Variants in AGAP1 observed in about 807,000 individuals in gnomAD.
The protein encoded by AGAP1 is arf-GAP with GTPase, ANK repeat and PH domain-containing protein 1.
A neutral mutation model predicts 105.3 loss-of-function variants in AGAP1; 29 were observed. The ratio of observed to expected loss-of-function variants is 0.28; its 90% CI spans 0.21 to 0.38. The LOEUF (loss-of-function observed/expected upper bound fraction) is 0.38, where lower values mean the gene tolerates loss of function less well. AGAP1 is among the 10% of genes least tolerant of loss of function. The probability of loss-of-function intolerance (pLI) is 1.00; values close to 1 mark genes in which losing one functional copy is unlikely to be tolerated. For missense variants in AGAP1, 998 were observed against 1,165.1 expected (o/e 0.86, Z 2.09); for synonymous variants, 509 against 485.9 (o/e 1.05, Z -0.63).
In AGAP1 at chr2:235,608,568, G is replaced by C. The variant is rs1447058251; in HGVS notation, c.164-100611G>C. 6.6e-6 allele frequency among the ~76,000 whole-genome samples: 1 copy of C among 152,214 alleles called. No individual in the cohort carries two copies. The highest frequency in any genetic ancestry group is 6.5e-5 in the Admixed American group (1 of 15,286). ...TGAGACCAACCCTGCCCTCTGGACG[G>C]ATGGAAGGACACTGGGGAGCCGATG... On this transcript the variant is annotated intron_variant, in intron 1 of 17. Coordinates refer to ENST00000304032, the MANE Select transcript of AGAP1 (RefSeq NM_001037131.3). This position sits in a 1 kb window ranked among gnomAD's most constrained non-coding sequence, Gnocchi z 5.4.
At chr2:235,592,454 C>T (rs917406716) in intron 1 of AGAP1, among the ~76,000 whole-genome samples, 34 of 152,178 alleles carry the variant, frequency 2.2e-4, no homozygotes, top group African/African-American at 7.2e-4. Flanking sequence ...GAGAGGACCC[C>T]GCTTTTCCAG....
intron 1 of AGAP1, among the ~76,000 whole-genome samples, chr2:235,594,884 T>TG (rs1553575344): frequency 3.8e-5 from 1 of 26,294 alleles, no homozygotes; most frequent in Non-Finnish European, 8.7e-5. Context: ...CAGATTGCTG[T>TG]TTTTTTTTTT....
At chr2:236,064,772 C>G (rs7557002) in intron 16 of AGAP1, among the ~76,000 whole-genome samples, 39,498 of 151,982 alleles carry the variant, frequency 0.26, 5,562 homozygotes, top group South Asian at 0.36. Flanking sequence ...CACCCTTCCT[C>G]GGAGAATTCT....
intron 9 of AGAP1, among the ~76,000 whole-genome samples, chr2:235,857,740 G>T (rs1439686221): frequency 6.6e-6 from 1 of 152,228 alleles, no homozygotes; most frequent in Non-Finnish European, 1.5e-5. Flanking sequence ...GGAAAGACTG[G>T]AAGCAGCTAA....
At position 235,759,421 on chromosome 2, in the gene AGAP1, G is replaced by A. The variant is rs568833944; in HGVS notation, c.673+8933G>A. Among the ~76,000 whole-genome samples the A allele has an allele frequency of 2.7e-4, 40 of 148,792 alleles. No homozygotes were observed. The South Asian group carries it at 3.4e-3, about 13-fold the overall frequency. On this transcript the variant is annotated intron_variant, in intron 6 of 17. Coordinates refer to ENST00000304032, the MANE Select transcript of AGAP1 (RefSeq NM_001037131.3). ...CCTGACCTCGTGATCCGCCCGCCTT[G>A]GCCTCCCAAAGTGCTGGGATTACAG... is the stretch of plus-strand genomic sequence containing the variant.
At chr2:235,504,375 C>A (rs904091497) in intron 1 of AGAP1, among the ~76,000 whole-genome samples, 1 of 152,144 alleles carries the variant, frequency 6.6e-6, no homozygotes, top group Non-Finnish European at 1.5e-5. Flanking sequence ...GAGTGGCTGC[C>A]TGTTTCGGGG....
Position 235,611,538 on chromosome 2 carries a change from G to T in AGAP1, c.164-97641G>T, listed in dbSNP as rs969915510. On this transcript the variant is annotated intron_variant, in intron 1 of 17. Coordinates refer to ENST00000304032, the MANE Select transcript of AGAP1 (RefSeq NM_001037131.3). The surrounding 1 kb of genome is among the most constrained non-coding windows in gnomAD (Gnocchi z 5.0). The stretch of plus-strand genomic sequence containing the variant: ...TGAGGTGGTGATTTATGATGCCTGT[G>T]TACTTCCCTGTGGTGCCCAGGCCTG... Among the ~76,000 whole-genome samples the T allele has an allele frequency of 2.6e-5, 4 of 152,164 alleles. No individual in the cohort carries two copies. Among genetic ancestry groups the T allele is most frequent in the Admixed American group, 2.0e-4 (3 of 15,274 alleles).
chr2:236,098,047 C>T (rs137897513), intron 16 of AGAP1, among the ~76,000 whole-genome samples: 193 of 152,296 alleles, frequency 1.3e-3, no homozygotes, highest in African/African-American at 4.4e-3. Flanking sequence ...ACTATTCCAT[C>T]GTGTGGATAG....
intron 16 of AGAP1, among the ~76,000 whole-genome samples, chr2:236,102,901 A>G (rs2059393877): frequency 6.6e-6 from 1 of 152,030 alleles, no homozygotes; most frequent in African/African-American, 2.4e-5. Context: ...TTTTTTTTCA[A>G]AAGTCATTGT....
chr2:235,924,811 A>G (rs1279076112), intron 11 of AGAP1, among the ~76,000 whole-genome samples: 1 of 152,184 alleles, frequency 6.6e-6, no homozygotes, highest in East Asian at 1.9e-4. Flanking sequence ...GGAGAGCGAC[A>G]TTTACTGTCC....
At position 236,049,251 on chromosome 2, in the gene AGAP1, G is replaced by A; in HGVS notation, c.2084G>A (p.Gly695Glu). The A allele has an allele frequency of 1.2e-6, 2 of 1,614,188 alleles. No homozygotes were observed. The highest frequency in any genetic ancestry group is 1.7e-6 in the Non-Finnish European group (2 of 1,180,024). The change falls in exon 16 of 18, where the codon GGG becomes GAG. Residue 695 changes from glycine to glutamate, a missense_variant. Transcript: ENST00000304032. ...AGCGTCTGGGAAGAGAGCAGCCAGGGGCGGACGAAACCATCGGTAGACTCC... is the reference window on the plus strand; with the variant it reads ...AGCGTCTGGGAAGAGAGCAGCCAGGAGCGGACGAAACCATCGGTAGACTCC... ...ANSVWEESSQ[G>E]RTKPSVDSTR...
intron 16 of AGAP1, among the ~76,000 whole-genome samples, chr2:236,097,513 C>T (rs2059222378): frequency 6.6e-6 from 1 of 150,448 alleles, no homozygotes; most frequent in African/African-American, 2.5e-5. Flanking sequence ...CTACCTCAGC[C>T]TACTGAGTAG....
rs114394375 is a variant in AGAP1, at chr2:235,934,855, T to C, written c.1483+3932T>C. Among the ~76,000 whole-genome samples the C allele has an allele frequency of 1.3e-5, 2 of 151,984 alleles. No homozygotes were observed. The highest frequency in any genetic ancestry group is 3.9e-4 in the East Asian group (2 of 5,114). The stretch of plus-strand genomic sequence containing the variant: ...TGTTGTGCACTCTTACTCTAAAACA[T>C]AATAATCACGGCAACATTGGGATTC... On this transcript the variant is annotated intron_variant, in intron 12 of 17. Coordinates refer to ENST00000304032, the MANE Select transcript of AGAP1 (RefSeq NM_001037131.3). The surrounding 1 kb of genome is among the most constrained non-coding windows in gnomAD (Gnocchi z 4.9).
At chr2:235,876,651 A>G (rs1169203234) in intron 9 of AGAP1, among the ~76,000 whole-genome samples, 1 of 152,150 alleles carries the variant, frequency 6.6e-6, no homozygotes, top group African/African-American at 2.4e-5. Flanking sequence ...CCACTGGGCC[A>G]CGACAACTAA....
At chr2:235,709,119 A>C in intron 1 of AGAP1, 60 bp from the exon 2 acceptor site, 1 of 1,569,366 alleles carries the variant, frequency 6.4e-7, no homozygotes, top group Non-Finnish European at 8.8e-7. Context: ...CATTGGAGGC[A>C]TTTTGACTTG....
At chr2:235,894,090 C>A (rs2050681700) in intron 10 of AGAP1, among the ~76,000 whole-genome samples, 1 of 152,132 alleles carries the variant, frequency 6.6e-6, no homozygotes, top group African/African-American at 2.4e-5. Flanking sequence ...GGAGATTGTA[C>A]GGATATTAAA....
intron 16 of AGAP1, among the ~76,000 whole-genome samples, chr2:236,093,054 A>G (rs947410699): frequency 1.3e-5 from 2 of 152,272 alleles, no homozygotes; most frequent in African/African-American, 4.8e-5. Context: ...TACTCCAGAA[A>G]GGCAGTGGGG....
rs1255414831 is a variant in AGAP1 at position 235,700,342 on chromosome 2, C to T, written c.164-8837C>T. Among the ~76,000 whole-genome samples the T allele has an allele frequency of 1.3e-5, 2 of 152,150 alleles. No individual in the cohort carries two copies. The highest frequency in any genetic ancestry group is 4.8e-5 in the African/African-American group (2 of 41,432). On this transcript the variant is annotated intron_variant, in intron 1 of 17. Coordinates refer to ENST00000304032, the MANE Select transcript of AGAP1 (RefSeq NM_001037131.3). This position sits in a 1 kb window ranked among gnomAD's most constrained non-coding sequence, Gnocchi z 6.1. Reference sequence around the variant, plus strand: ...TAAGAAGGAAAGGGCAATTTTCTTCCTTGCCGTTTTGACTTTCAAATCCTC... The same window carrying T: ...TAAGAAGGAAAGGGCAATTTTCTTCTTTGCCGTTTTGACTTTCAAATCCTC...
At chr2:235,536,838 C>G (rs1042215920) in intron 1 of AGAP1, among the ~76,000 whole-genome samples, 2 of 152,152 alleles carry the variant, frequency 1.3e-5, no homozygotes, top group Non-Finnish European at 2.9e-5. Flanking sequence ...GGCTGGAGGA[C>G]AGTGTGTGTC....
Sources: allele counts gnomAD v4.1 joint callset (sites outside exome capture counted in the v4.1 genomes callset), GRCh38; gene constraint gnomAD v4.1.1; non-coding constraint Gnocchi (gnomAD v3.1); transcripts MANE v1.5; gene names NCBI Gene and HGNC (gene_info 2026-07-23, HGNC 2026-07-21).